Variants in IL15RA observed in about 807,000 individuals in gnomAD.
IL15RA encodes interleukin 15 receptor subunit alpha.
In IL15RA, 26 loss-of-function variants were observed where a neutral mutation model predicts 24.2. The ratio of observed to expected loss-of-function variants is 1.07; its 90% CI spans 0.79 to 1.49. The LOEUF (loss-of-function observed/expected upper bound fraction) is 1.49, where lower values mean the gene tolerates loss of function less well. Among genes scored for constraint, IL15RA ranks in the 40% most tolerant of loss-of-function variants. IL15RA has a pLI of 0.00. For synonymous variants in IL15RA, 166 were observed against 157.6 expected (o/e 1.05, Z -0.40); for missense variants, 354 against 356.4 (o/e 0.99, Z 0.05).
Position 5,966,241 on chromosome 10 carries a change from A to T in IL15RA, c.187T>A (p.Phe63Ile). The change falls in exon 2 of 7, where the codon TTC becomes ATC. Residue 63 changes from phenylalanine (F) to isoleucine (I), a missense_variant. Phe to Ile is a conservative substitution (Grantham distance 21, BLOSUM62 0). Coordinates refer to ENST00000379977, the MANE Select transcript of IL15RA (RefSeq NM_002189.4). The surrounding 1 kb of genome is among the most constrained non-coding windows in gnomAD (Gnocchi z 6.4). ...CTGGACGTGCCGGCTTTACGCTTGA[A>T]ACCAGAGTTACAAATGTACCGCTCC... ...SRERYICNSGFKRKAGTSSLT... is the reference protein window; with the variant it reads ...SRERYICNSGIKRKAGTSSLT... 1 of 1,614,108 alleles carries T rather than the reference A, an allele frequency of 6.2e-7. No individual in the cohort carries two copies. Among genetic ancestry groups the T allele is most frequent in the Non-Finnish European group, 8.5e-7 (1 of 1,179,982 alleles).
rs1258850542 is a variant in IL15RA, at chr10:5,968,289, G to C, written c.89-1950C>G. Among the ~76,000 whole-genome samples the C allele has an allele frequency of 1.4e-5, 2 of 147,236 alleles. No homozygotes were observed. The highest frequency in any genetic ancestry group is 2.5e-5 in the African/African-American group (1 of 40,616). On this transcript the variant is annotated intron_variant, in intron 1 of 6. Coordinates refer to ENST00000379977, the MANE Select transcript of IL15RA (RefSeq NM_002189.4). The surrounding 1 kb of genome is among the most constrained non-coding windows in gnomAD (Gnocchi z 5.4). Reference sequence around the variant, plus strand: ...AAACCTCACTAACACATCCCTGTTAGAATTCCATGACCTCTGCTCTTGCTT... The same window carrying C: ...AAACCTCACTAACACATCCCTGTTACAATTCCATGACCTCTGCTCTTGCTT...
chr10:5,978,676 G>C (rs112343253), upstream of IL15RA, among the ~76,000 whole-genome samples: 2 of 152,122 alleles, frequency 1.3e-5, no homozygotes, highest in African/African-American at 4.8e-5. This position sits in a 1 kb window ranked among gnomAD's most constrained non-coding sequence, Gnocchi z 5.2. Flanking sequence ...CAGGTGGATC[G>C]CCTGAAGTCA....
chr10:5,958,201 A>G lies in IL15RA; in HGVS notation c.616+1553T>C, dbSNP rs1834857169. ...GGTTTTTGTGTCCTGATATGGGAGG[A>G]TCTACAAGGTATACCAGCAAGTGGA... On this transcript the variant is annotated intron_variant, in intron 5 of 6. Coordinates refer to ENST00000379977, the MANE Select transcript of IL15RA (RefSeq NM_002189.4). The surrounding 1 kb of genome is among the most constrained non-coding windows in gnomAD (Gnocchi z 4.3). The G allele has an allele frequency of 2.6e-6, 1 of 385,922 alleles. No homozygotes were observed. Among genetic ancestry groups the G allele is most frequent in the Admixed American group, 3.0e-5 (1 of 32,998 alleles). 23.9% of individuals were successfully genotyped at this position (385,922 alleles called of 1,614,324 possible). A position where few individuals can be genotyped will look rare whatever the true frequency, so the allele number is the denominator to read the frequency against.
Position 5,967,529 on chromosome 10 carries a change from C to T in IL15RA, c.89-1190G>A, listed in dbSNP as rs1297313878. ...AGATCAGATCATTCCTTTGCAACTG[C>T]AAAGACACCTTATTCCCCATGAAGC... On this transcript the variant is annotated intron_variant, in intron 1 of 6. Transcript: ENST00000379977. The surrounding 1 kb of genome is among the most constrained non-coding windows in gnomAD (Gnocchi z 4.4). Among the ~76,000 whole-genome samples, 2 of 152,330 alleles carry T rather than the reference C, an allele frequency of 1.3e-5. No individual in the cohort carries two copies. Among genetic ancestry groups the T allele is most frequent in the East Asian group, 3.9e-4 (2 of 5,190 alleles).
chr10:5,965,538 A>C lies in IL15RA; in HGVS notation c.283+607T>G, dbSNP rs971177659. Among the ~76,000 whole-genome samples the C allele has an allele frequency of 6.6e-6, 1 of 152,234 alleles. No individual in the cohort carries two copies. The highest frequency in any genetic ancestry group is 2.4e-5 in the African/African-American group (1 of 41,468). On this transcript the variant is annotated intron_variant, in intron 2 of 6. Transcript: ENST00000379977. The surrounding 1 kb of genome is among the most constrained non-coding windows in gnomAD (Gnocchi z 5.8). Reference sequence around the variant, plus strand: ...TTCACGCCACCCTCCCACAGCCCGCAGTGTGGATATCAAGTCCGTTTTCCA... The same window carrying C: ...TTCACGCCACCCTCCCACAGCCCGCCGTGTGGATATCAAGTCCGTTTTCCA...
rs1836922978 is a variant in IL15RA, at chr10:5,968,127, A to C, written c.89-1788T>G. On this transcript the variant is annotated intron_variant, in intron 1 of 6. Transcript: ENST00000379977. This position sits in a 1 kb window ranked among gnomAD's most constrained non-coding sequence, Gnocchi z 5.4. ...AAAAAACATTAGCAACAAATGCCAA[A>C]GTGTTAAGAACCTTAGCACGGAGAG... Among the ~76,000 whole-genome samples, 1 of 152,194 alleles carries C rather than the reference A, an allele frequency of 6.6e-6. No homozygotes were observed. Among genetic ancestry groups the C allele is most frequent in the African/African-American group, 2.4e-5 (1 of 41,448 alleles).
Position 5,967,270 on chromosome 10 carries a change from T to C in IL15RA, c.89-931A>G, listed in dbSNP as rs1836737621. 6.6e-6 allele frequency among the ~76,000 whole-genome samples: 1 copy of C among 152,096 alleles called. No homozygotes were observed. The highest frequency in any genetic ancestry group is 2.1e-4 in the South Asian group (1 of 4,818). On this transcript the variant is annotated intron_variant, in intron 1 of 6. Transcript: ENST00000379977. This position sits in a 1 kb window ranked among gnomAD's most constrained non-coding sequence, Gnocchi z 4.4. ...ACCAGGCTGGAGTGCAGTGGCACGA[T>C]CTTGGCTCACTGCAACCTCCACCTC... is the stretch of plus-strand genomic sequence containing the variant.
At position 5,970,898 on chromosome 10, in the gene IL15RA, C is replaced by T. The variant is rs1837499724; in HGVS notation, c.89-4559G>A. Among the ~76,000 whole-genome samples, 1 of 151,994 alleles carries T rather than the reference C, an allele frequency of 6.6e-6. No homozygotes were observed. Among genetic ancestry groups the T allele is most frequent in the African/African-American group, 2.4e-5 (1 of 41,392 alleles). ...GCCTCAGCCTCCCGAGTAGCTGGGA[C>T]TAGAGGCACATGCCACCATACCTGG... On this transcript the variant is annotated intron_variant, in intron 1 of 6. Coordinates refer to ENST00000379977, the MANE Select transcript of IL15RA (RefSeq NM_002189.4). This position sits in a 1 kb window ranked among gnomAD's most constrained non-coding sequence, Gnocchi z 4.1.
chr10:5,976,044 G>A (rs983403657), intron 1 of IL15RA, among the ~76,000 whole-genome samples: 1 of 152,242 alleles, frequency 6.6e-6, no homozygotes, highest in African/African-American at 2.4e-5. Flanking sequence ...TATCCACTCA[G>A]TCTTCAAGGA....
intron 5 of IL15RA, among the ~76,000 whole-genome samples, chr10:5,956,871 C>T (rs8177716): frequency 0.016 from 2,411 of 152,240 alleles, 58 homozygotes; most frequent in African/African-American, 0.054. Flanking sequence ...CCCAGTACAA[C>T]GCCCACTTTG....
At position 5,975,499 on chromosome 10, in the gene IL15RA, T is replaced by A. The variant is rs185753159; in HGVS notation, c.88+1906A>T. Among the ~76,000 whole-genome samples, 6 of 152,166 alleles carry A rather than the reference T, an allele frequency of 3.9e-5. No homozygotes were observed. In the East Asian group the frequency reaches 1.2e-3, roughly 29 times the overall value. On this transcript the variant is annotated intron_variant, in intron 1 of 6. Coordinates refer to ENST00000379977, the MANE Select transcript of IL15RA (RefSeq NM_002189.4). This position sits in a 1 kb window ranked among gnomAD's most constrained non-coding sequence, Gnocchi z 4.8. ...GGTGGTGGCAGTGGTTTCATGAGTA[T>A]GTATGCATTTACCTCCAAACTTATC...
In IL15RA at chr10:5,959,898, C is replaced by A; in HGVS notation, c.584-112G>T. 1 of 946,392 alleles carries A rather than the reference C, an allele frequency of 1.1e-6. No homozygotes were observed. Among genetic ancestry groups the A allele is most frequent in the Non-Finnish European group, 1.7e-6 (1 of 597,858 alleles). The allele number at this position is 946,392 out of a possible 1,614,324, so 58.6% of individuals were successfully genotyped here. On this transcript the variant is annotated intron_variant, in intron 4 of 6. Transcript: ENST00000379977. The surrounding 1 kb of genome is among the most constrained non-coding windows in gnomAD (Gnocchi z 4.1). The stretch of plus-strand genomic sequence containing the variant: ...TCCCATCTTAGCACCCTGGGAGACT[C>A]GTGGCTGGCGTAACCAGACTCATTT...
rs1231350300 is a variant in IL15RA at position 5,955,936 on chromosome 10, A to G, written c.692+443T>C. Among the ~76,000 whole-genome samples the G allele has an allele frequency of 6.6e-6, 1 of 152,106 alleles. No individual in the cohort carries two copies. Among genetic ancestry groups the G allele is most frequent in the East Asian group, 1.9e-4 (1 of 5,190 alleles). On this transcript the variant is annotated intron_variant, in intron 6 of 6. Transcript: ENST00000379977. This position sits in a 1 kb window ranked among gnomAD's most constrained non-coding sequence, Gnocchi z 5.3. ...TCTGGCACTCATTGGCTCCTAGAGA[A>G]GGGGTGTGTGAGAGCCGATGGCCAG...
At chr10:5,950,105 G>A (rs1833769397), downstream of IL15RA, among the ~76,000 whole-genome samples, 1 of 131,210 alleles carries the variant, frequency 7.6e-6, no homozygotes, top group African/African-American at 3.0e-5. This position sits in a 1 kb window ranked among gnomAD's most constrained non-coding sequence, Gnocchi z 5.6. Context: ...CAAAAAAAAA[G>A]TCTTATTTCT....
chr10:5,952,932 A>G lies in IL15RA; in HGVS notation c.*163T>C, dbSNP rs780251795. Reference sequence around the variant, plus strand: ...ATGCGGAGAACCTGCTCCCTCGCGCAGGAGGCGCCGACCCGGCAGTCCGTG... The same window carrying G: ...ATGCGGAGAACCTGCTCCCTCGCGCGGGAGGCGCCGACCCGGCAGTCCGTG... On this transcript the variant is annotated 3_prime_UTR_variant, in exon 7 of 7. Transcript: ENST00000379977. 1 of 633,950 alleles carries G rather than the reference A, an allele frequency of 1.6e-6. No individual in the cohort carries two copies. Among genetic ancestry groups the G allele is most frequent in the Non-Finnish European group, 2.8e-6 (1 of 353,566 alleles). 39.3% of individuals were successfully genotyped at this position (633,950 alleles called of 1,614,324 possible). A position where few individuals can be genotyped will look rare whatever the true frequency, so the allele number is the denominator to read the frequency against.
rs1261705069 is a variant in IL15RA at position 5,966,526 on chromosome 10, G to A, written c.89-187C>T. ...CACCCAGAAGCCTTCCTGGAGCCTC[G>A]CCTGAAGTGCCAGTCAGCCAGCAAA... is the stretch of plus-strand genomic sequence containing the variant. On this transcript the variant is annotated intron_variant, in intron 1 of 6. Coordinates refer to ENST00000379977, the MANE Select transcript of IL15RA (RefSeq NM_002189.4). The surrounding 1 kb of genome is among the most constrained non-coding windows in gnomAD (Gnocchi z 6.4). Among the ~76,000 whole-genome samples the A allele has an allele frequency of 1.3e-5, 2 of 152,014 alleles. No individual in the cohort carries two copies. Among genetic ancestry groups the A allele is most frequent in the African/African-American group, 2.4e-5 (1 of 41,376 alleles).
chr10:5,968,844 C>G lies in IL15RA; in HGVS notation c.89-2505G>C, dbSNP rs1006087450. 16 of 903,016 alleles carry G rather than the reference C, an allele frequency of 1.8e-5. No individual in the cohort carries two copies. Among genetic ancestry groups the G allele is most frequent in the Non-Finnish European group, 2.8e-5 (16 of 568,804 alleles). The allele number at this position is 903,016 out of a possible 1,614,324, so 55.9% of individuals were successfully genotyped here. A position where few individuals can be genotyped will look rare whatever the true frequency, so the allele number is the denominator to read the frequency against. On this transcript the variant is annotated intron_variant, in intron 1 of 6. Coordinates refer to ENST00000379977, the MANE Select transcript of IL15RA (RefSeq NM_002189.4). The surrounding 1 kb of genome is among the most constrained non-coding windows in gnomAD (Gnocchi z 5.4). The stretch of plus-strand genomic sequence containing the variant: ...GTTTTCCATTGTCCTGAGTCTCACG[C>G]AGGCCTCGTGTGTCTGGACCTCATG...
chr10:5,959,900 T>C lies in IL15RA; in HGVS notation c.584-114A>G. 1 of 949,880 alleles carries C rather than the reference T, an allele frequency of 1.1e-6. No individual in the cohort carries two copies. Among genetic ancestry groups the C allele is most frequent in the Non-Finnish European group, 1.7e-6 (1 of 600,500 alleles). The allele number at this position is 949,880 out of a possible 1,614,324, so 58.8% of individuals were successfully genotyped here. A position where few individuals can be genotyped will look rare whatever the true frequency, so the allele number is the denominator to read the frequency against. ...CCATCTTAGCACCCTGGGAGACTCG[T>C]GGCTGGCGTAACCAGACTCATTTTA... On this transcript the variant is annotated intron_variant, in intron 4 of 6. Coordinates refer to ENST00000379977, the MANE Select transcript of IL15RA (RefSeq NM_002189.4). This position sits in a 1 kb window ranked among gnomAD's most constrained non-coding sequence, Gnocchi z 4.1.
At position 5,971,101 on chromosome 10, in the gene IL15RA, A is replaced by C. The variant is rs1226248986; in HGVS notation, c.89-4762T>G. ...TATACTTTCTATATATTCTCTCATA[A>C]CATTGTTCCCTAGTTATTCAATGTA... On this transcript the variant is annotated intron_variant, in intron 1 of 6. Coordinates refer to ENST00000379977, the MANE Select transcript of IL15RA (RefSeq NM_002189.4). This position sits in a 1 kb window ranked among gnomAD's most constrained non-coding sequence, Gnocchi z 5.5. Among the ~76,000 whole-genome samples the C allele has an allele frequency of 6.6e-6, 1 of 152,178 alleles. No individual in the cohort carries two copies. Among genetic ancestry groups the C allele is most frequent in the East Asian group, 1.9e-4 (1 of 5,204 alleles).
Sources: gnomAD v4.1 joint callset for allele counts (sites outside exome capture counted in the v4.1 genomes callset) on GRCh38, gnomAD v4.1.1 for gene constraint, Gnocchi (gnomAD v3.1) non-coding constraint, MANE v1.5 for transcripts, NCBI Gene and HGNC (gene_info 2026-07-23, HGNC 2026-07-21) for gene names.